The following HUWE1 variants were observed in gnomAD, a reference collection of about 807,000 sequenced individuals.
HUWE1 encodes the protein HECT, UBA and WWE domain containing E3 ubiquitin protein ligase 1.
HUWE1 carries 18 observed loss-of-function variants against 299.4 expected under a neutral mutation model. The observed-to-expected ratio is 0.06, with a 90% CI of 0.04 to 0.09. The LOEUF is 0.09. Among genes scored for constraint, HUWE1 ranks in the 10% least tolerant of loss-of-function variants. The pLI is 1.00. For synonymous variants in HUWE1, 1,317 were observed against 1,286.1 expected, an observed-to-expected ratio of 1.02 and a Z score of -0.51; for missense variants, 1,832 against 3,462.3, an observed-to-expected ratio of 0.53 and a Z score of 11.82.
At chrX:53,578,792 T>C (rs62617498) in intron 43 of HUWE1, among the ~76,000 whole-genome samples, 137 of 42,878 alleles carry the variant, frequency 3.2e-3, no homozygotes, top group African/African-American at 7.0e-3. Flanking sequence ...CCGCCCCGTC[T>C]GGGAGGGAGG....
rs2060845835 is a variant in HUWE1, at chrX:53,533,204, T to C, written c.*105A>G. 1 of 540,591 alleles carries C rather than the reference T, an allele frequency of 1.8e-6. No homozygotes were observed. Among genetic ancestry groups the C allele is most frequent in the African/African-American group, 2.3e-5 (1 of 43,538 alleles). The allele number at this position is 540,591 out of a possible 1,213,427, so 44.6% of individuals were successfully genotyped here. A position where few individuals can be genotyped will look rare whatever the true frequency, so the allele number is the denominator to read the frequency against. On this transcript the variant is annotated 3_prime_UTR_variant, in exon 84 of 84. Coordinates refer to ENST00000262854, the MANE Select transcript of HUWE1 (RefSeq NM_031407.7). Reference sequence around the variant, plus strand: ...GACACACACGGTGAGTTGGTGGATTTCATTTATTGGTTTTTGACAATTTCT... The same window carrying C: ...GACACACACGGTGAGTTGGTGGATTCCATTTATTGGTTTTTGACAATTTCT...
chrX:53,627,653 G>C, intron 16 of HUWE1, 86 bp downstream of exon 16: 1 of 949,354 alleles, frequency 1.1e-6, no homozygotes, highest in African/African-American at 1.9e-5. Flanking sequence ...GAGACTGTAA[G>C]ATCGCTCTTT....
intron 2 of HUWE1, among the ~76,000 whole-genome samples, chrX:53,683,432 C>T (rs1057096092): frequency 1.7e-4 from 19 of 111,093 alleles, no homozygotes; most frequent in Non-Finnish European, 2.1e-4. Context: ...GGTTGGCCGG[C>T]AGAAAAGGTA....
intron 3 of HUWE1, among the ~76,000 whole-genome samples, chrX:53,667,637 A>T (rs1322732740): frequency 8.9e-6 from 1 of 112,311 alleles, no homozygotes; most frequent in Non-Finnish European, 1.9e-5. Context: ...AAAAATCCTA[A>T]GTTGAACCAT....
At chrX:53,550,799 G>C in intron 65 of HUWE1, 31 bp from the exon 66 acceptor site, 1 of 1,196,889 alleles carries the variant, frequency 8.4e-7, no homozygotes, top group Non-Finnish European at 1.1e-6. Flanking sequence ...AACTGAGATT[G>C]TGGAGAGGGT....
intron 2 of HUWE1, among the ~76,000 whole-genome samples, chrX:53,682,011 T>C (rs1466382194): frequency 9.0e-6 from 1 of 111,001 alleles, no homozygotes; most frequent in Non-Finnish European, 1.9e-5. Flanking sequence ...AAGTTTGGCC[T>C]ATGAGGAAAA....
chrX:53,534,745 G>A (rs1190672728), intron 81 of HUWE1, 48 bp from the exon 82 acceptor site: 5 of 1,109,455 alleles, frequency 4.5e-6, no homozygotes, highest in South Asian at 3.8e-5. Context: ...TCACACAACC[G>A]TAGAGGTCAG....
At chrX:53,544,982 G>C (rs782365850) in intron 71 of HUWE1, 47 bp downstream of exon 71, 2 of 1,183,055 alleles carry the variant, frequency 1.7e-6, no homozygotes, top group East Asian at 3.0e-5. Context: ...CCATCTTCCA[G>C]AATATCCCAG....
chrX:53,569,508 T>C (rs1164447955), intron 48 of HUWE1, 108 bp downstream of exon 48: 2 of 703,939 alleles, frequency 2.8e-6, no homozygotes, highest in East Asian at 6.4e-5. Flanking sequence ...GAGTATATGA[T>C]GCCAGTATGA....
intron 3 of HUWE1, among the ~76,000 whole-genome samples, chrX:53,674,630 C>T (rs1557050499): frequency 8.9e-6 from 1 of 111,880 alleles, no homozygotes; most frequent in African/African-American, 3.2e-5. Flanking sequence ...TTGCTTAACC[C>T]TAACAAAACT....
At chrX:53,668,533 G>A (rs2069366939) in intron 3 of HUWE1, among the ~76,000 whole-genome samples, 1 of 110,811 alleles carries the variant, frequency 9.0e-6, no homozygotes, top group Non-Finnish European at 1.9e-5. Context: ...GAAAAGCCTG[G>A]GAAACAGACA....
At chrX:53,562,368 C>T in intron 53 of HUWE1, 124 bp from the exon 54 acceptor site, 1 of 902,278 alleles carries the variant, frequency 1.1e-6, no homozygotes, top group Non-Finnish European at 1.6e-6. Context: ...AGAACCAGAT[C>T]TGGGGTGATG....
chrX:53,628,722 T>C, intron 14 of HUWE1, 30 bp downstream of exon 14: 1 of 1,210,294 alleles, frequency 8.3e-7, no homozygotes, highest in East Asian at 3.0e-5. Context: ...ATGTTTCTTC[T>C]TGCCTAAGAT....
At chrX:53,612,564 C>T (rs2065546575) in intron 23 of HUWE1, among the ~76,000 whole-genome samples, 1 of 111,786 alleles carries the variant, frequency 8.9e-6, no homozygotes, top group Admixed American at 9.5e-5. Flanking sequence ...GATAGGGATA[C>T]ACTGGTGAAT....
In HUWE1 at chrX:53,667,763, C is replaced by T. The variant is rs183665612; in HGVS notation, c.-25+12286G>A. Among the ~76,000 whole-genome samples the T allele has an allele frequency of 1.6e-3, 180 of 111,561 alleles. 2 individuals carry two copies. The highest frequency in any genetic ancestry group is 5.6e-3 in the African/African-American group (172 of 30,669). On this transcript the variant is annotated intron_variant, in intron 3 of 83. Transcript: ENST00000262854. ...TAGAGGAATCTTTAGAATTCCTCAT[C>T]CTATACTGAAGGATGACCACTACAA...
chrX:53,685,850 T>C (rs782355069), intron 2 of HUWE1, among the ~76,000 whole-genome samples: 10 of 112,126 alleles, frequency 8.9e-5, no homozygotes, highest in Non-Finnish European at 1.9e-4. Flanking sequence ...CATGGCATGA[T>C]ACATATACAC....
chrX:53,632,449 T>C (rs1301664000), intron 9 of HUWE1, 38 bp downstream of exon 9: 1 of 1,010,141 alleles, frequency 9.9e-7, no homozygotes, highest in Non-Finnish European at 1.4e-6. Context: ...TTACAGTAAA[T>C]TGTAGACTTT....
At chrX:53,679,240 A>G (rs1272167875) in intron 3 of HUWE1, among the ~76,000 whole-genome samples, 3 of 111,890 alleles carry the variant, frequency 2.7e-5, no homozygotes, top group Non-Finnish European at 3.8e-5. Flanking sequence ...ATGCTTTGCA[A>G]TAAATGTGCT....
chrX:53,543,165 C>T (rs1362602428), intron 73 of HUWE1, among the ~76,000 whole-genome samples: 4 of 110,490 alleles, frequency 3.6e-5, no homozygotes, highest in East Asian at 2.8e-4. Context: ...AGTAATTATA[C>T]GCAAAGAAAT....
Sources: gnomAD v4.1 joint callset for allele counts (sites outside exome capture counted in the v4.1 genomes callset) on GRCh38, gnomAD v4.1.1 for gene constraint, MANE v1.5 for transcripts, NCBI Gene and HGNC (gene_info 2026-07-23, HGNC 2026-07-21) for gene names.